SHISAL2B: variants seen among roughly 807,000 people sequenced by gnomAD.
SHISAL2B encodes shisa like 2B, also known as protein shisa-like-2B.
In SHISAL2B, 12 loss-of-function variants were observed where a neutral mutation model predicts 16.5. The observed-to-expected ratio is 0.73, with a 90% CI of 0.47 to 1.18. The LOEUF is 1.18. SHISAL2B is among the 50% of genes most tolerant of loss of function. SHISAL2B has a pLI of 0.00. For missense variants in SHISAL2B, 183 were observed against 193.6 expected (o/e 0.95, Z 0.33); for synonymous variants, 72 against 75.0 (o/e 0.96, Z 0.21).
chr5:64,705,721 G>A (rs1741866852), intron 2 of SHISAL2B, among the ~76,000 whole-genome samples: 1 of 152,118 alleles, frequency 6.6e-6, no homozygotes, highest in Non-Finnish European at 1.5e-5. Flanking sequence ...TCTGAGACAG[G>A]TCTCTGTCAA....
chr5:64,690,908 C>A, intron 1 of SHISAL2B, 94 bp downstream of exon 1: 1 of 1,121,354 alleles, frequency 8.9e-7, no homozygotes, highest in Non-Finnish European at 1.2e-6. Flanking sequence ...GGTTCCCCCG[C>A]GTCCCCGCTA....
Position 64,690,650 on chromosome 5 carries a change from C to T in SHISAL2B, c.27C>T (p.Ser9=), listed in dbSNP as rs1176354399. MSEASRLC[S]GYYSLNQSFV... Reference sequence around the variant, plus strand: ...TGAGCGAGGCCAGCCGACTGTGCTCCGGCTACTACAGCCTCAACCAGAGCT... The same window carrying T: ...TGAGCGAGGCCAGCCGACTGTGCTCTGGCTACTACAGCCTCAACCAGAGCT... Residue 9 remains serine, a synonymous_variant, in exon 1 of 3, where the codon TCC becomes TCT. Transcript: ENST00000389074. 9 of 1,517,900 alleles carry T rather than the reference C, an allele frequency of 5.9e-6. No individual in the cohort carries two copies. The highest frequency in any genetic ancestry group is 7.0e-6 in the Non-Finnish European group (8 of 1,135,538). 94.0% of individuals were successfully genotyped at this position (1,517,900 alleles called of 1,614,324 possible). A position where few individuals can be genotyped will look rare whatever the true frequency, so the allele number is the denominator to read the frequency against.
chr5:64,690,767 G>A lies in SHISAL2B; in HGVS notation c.144G>A (p.Glu48=), dbSNP rs781594917. 7 of 1,544,512 alleles carry A rather than the reference G, an allele frequency of 4.5e-6. No individual in the cohort carries two copies. In the South Asian group the frequency reaches 8.3e-5, roughly 18 times the overall value. The change falls in exon 1 of 3, where the codon GAG becomes GAA. Residue 48 remains glutamate (E), a synonymous_variant. Transcript: ENST00000389074. The part of the protein sequence containing the change: ...GFADLKYCCS[E]PGSYFPYKHS... ...CCGACCTCAAGTACTGCTGCAGCGA[G>A]CCGGGCAGCTACTTCCCCTACAAGC...
chr5:64,714,274 T>C (rs1461800472), intron 2 of SHISAL2B, among the ~76,000 whole-genome samples: 10 of 139,620 alleles, frequency 7.2e-5, no homozygotes, highest in Admixed American at 2.8e-4. Context: ...GACCCTCAGC[T>C]GCAGGTCTGT....
chr5:64,695,258 C>T (rs1741716330), intron 1 of SHISAL2B, among the ~76,000 whole-genome samples: 1 of 114,276 alleles, frequency 8.8e-6, no homozygotes, highest in Admixed American at 8.5e-5. Flanking sequence ...GAGTGAGACA[C>T]CATCTCAAAA....
At chr5:64,711,878 G>A (rs1411785407) in intron 2 of SHISAL2B, among the ~76,000 whole-genome samples, 1 of 27,436 alleles carries the variant, frequency 3.6e-5, no homozygotes, top group South Asian at 1.0e-3. Flanking sequence ...TGGGATCAGT[G>A]GTGATATCCC....
intron 2 of SHISAL2B, among the ~76,000 whole-genome samples, chr5:64,713,676 C>T (rs895789410): frequency 7.9e-6 from 1 of 127,012 alleles, no homozygotes. Flanking sequence ...TTCAGGTACA[C>T]CAATCAGACG....
chr5:64,691,574 G>A (rs952995790), intron 1 of SHISAL2B: 3 of 152,018 alleles, frequency 2.0e-5, no homozygotes, highest in African/African-American at 7.2e-5. Context: ...CCCGAGCCAT[G>A]TGGCTATTGC....
intron 2 of SHISAL2B, among the ~76,000 whole-genome samples, chr5:64,706,236 A>G (rs1341147108): frequency 6.6e-6 from 1 of 152,254 alleles, no homozygotes; most frequent in Non-Finnish European, 1.5e-5. Context: ...AGAAGTAGAT[A>G]AGAGACAAAA....
chr5:64,692,323 C>T (rs1741662921), intron 1 of SHISAL2B, among the ~76,000 whole-genome samples: 1 of 152,176 alleles, frequency 6.6e-6, no homozygotes, highest in South Asian at 2.1e-4. Context: ...CAATAGAGGA[C>T]ATAAAACCTT....
chr5:64,714,949 C>G (rs896702359), intron 2 of SHISAL2B, among the ~76,000 whole-genome samples: 8 of 152,162 alleles, frequency 5.3e-5, no homozygotes, highest in Non-Finnish European at 1.0e-4. Context: ...CTGGCACTCC[C>G]TAGTGAGATG....
chr5:64,707,932 T>TA (rs1741896419), intron 2 of SHISAL2B, among the ~76,000 whole-genome samples: 1 of 152,160 alleles, frequency 6.6e-6, no homozygotes, highest in Non-Finnish European at 1.5e-5. Flanking sequence ...CCAAAGTTAT[T>TA]AAAAAACCTG....
chr5:64,705,496 CA>C (rs1561376138), intron 2 of SHISAL2B, among the ~76,000 whole-genome samples: 1 of 151,468 alleles, frequency 6.6e-6, no homozygotes, highest in African/African-American at 2.4e-5. Context: ...TCCAGGAATT[CA>C]AAAAAAATTA....
At chr5:64,690,894 G>A (rs1741637991) in intron 1 of SHISAL2B, 80 bp downstream of exon 1, 2 of 1,280,890 alleles carry the variant, frequency 1.6e-6, no homozygotes, top group Non-Finnish European at 2.1e-6. Flanking sequence ...GCCAGGGCCA[G>A]GGAGGTTCCC....
At chr5:64,707,164 T>C (rs1741885644) in intron 2 of SHISAL2B, among the ~76,000 whole-genome samples, 1 of 152,182 alleles carries the variant, frequency 6.6e-6, no homozygotes, top group Non-Finnish European at 1.5e-5. Flanking sequence ...TATTTGTATA[T>C]AGGGCAGCAA....
intron 2 of SHISAL2B, among the ~76,000 whole-genome samples, chr5:64,704,944 G>A (rs914762290): frequency 2.6e-5 from 4 of 152,096 alleles, no homozygotes; most frequent in Non-Finnish European, 5.9e-5. Context: ...AGCACTTTTG[G>A]ATTTGTCTAA....
At chr5:64,701,035 A>G (rs1741802283) in intron 2 of SHISAL2B, among the ~76,000 whole-genome samples, 1 of 152,124 alleles carries the variant, frequency 6.6e-6, no homozygotes, top group Admixed American at 6.5e-5. Context: ...ACAGATTAGC[A>G]CTGGTCCATG....
At chr5:64,692,678 A>T (rs1386994671) in intron 1 of SHISAL2B, among the ~76,000 whole-genome samples, 1 of 152,186 alleles carries the variant, frequency 6.6e-6, no homozygotes, top group Non-Finnish European at 1.5e-5. Flanking sequence ...CTTCCTAAGT[A>T]GGAGAATTGC....
At chr5:64,715,404 G>A (rs1008044496) in intron 2 of SHISAL2B, among the ~76,000 whole-genome samples, 2 of 152,092 alleles carry the variant, frequency 1.3e-5, no homozygotes, top group African/African-American at 4.8e-5. Flanking sequence ...CTTCCCCTTA[G>A]GGAGGTTTGT....
Sources: allele counts gnomAD v4.1 joint callset (sites outside exome capture counted in the v4.1 genomes callset), GRCh38; gene constraint gnomAD v4.1.1; transcripts MANE v1.5; gene names NCBI Gene and HGNC (gene_info 2026-07-23, HGNC 2026-07-21).